Variants in GRID2 observed in about 807,000 individuals in gnomAD.
GRID2 encodes the protein glutamate ionotropic receptor delta type subunit 2, also known as glutamate receptor ionotropic, delta-2.
A neutral mutation model predicts 114.8 loss-of-function variants in GRID2; 33 were observed. The ratio of observed to expected loss-of-function variants is 0.29; its 90% CI spans 0.22 to 0.38. The LOEUF (loss-of-function observed/expected upper bound fraction) is 0.38, where lower values mean the gene tolerates loss of function less well. Among genes scored for constraint, GRID2 ranks in the 10% least tolerant of loss-of-function variants. The pLI, the probability that GRID2 is intolerant of heterozygous loss-of-function variation, is 1.00. For synonymous variants in GRID2, 505 were observed against 449.9 expected (o/e 1.12, Z -1.55); for missense variants, 1,184 against 1,257.7 (o/e 0.94, Z 0.89).
intron 1 of GRID2, among the ~76,000 whole-genome samples, chr4:92,417,311 A>G (rs2110315788): frequency 6.6e-6 from 1 of 152,236 alleles, no homozygotes; most frequent in Middle Eastern, 3.4e-3. Flanking sequence ...ATAAAATGAG[A>G]GCAAAATACT....
chr4:92,658,814 TATATACAC>T (rs1560516325), intron 2 of GRID2, among the ~76,000 whole-genome samples: 10 of 67,620 alleles, frequency 1.5e-4, no homozygotes, highest in East Asian at 6.4e-4. Flanking sequence ...TATATATATA[TATATACAC>T]ACACACAATC....
intron 1 of GRID2, among the ~76,000 whole-genome samples, chr4:92,409,221 T>C (rs1184967318): frequency 6.6e-6 from 1 of 152,150 alleles, no homozygotes; most frequent in Non-Finnish European, 1.5e-5. Context: ...GTATTTTGGC[T>C]GTAATACCAA....
intron 14 of GRID2, among the ~76,000 whole-genome samples, chr4:93,731,774 G>C (rs544280950): frequency 6.6e-6 from 1 of 152,096 alleles, no homozygotes; most frequent in African/African-American, 2.4e-5. Flanking sequence ...TAAAAGACTA[G>C]ACACTTTCCA....
intron 4 of GRID2, among the ~76,000 whole-genome samples, chr4:93,171,752 AAAAG>A (rs1579186367): frequency 1.3e-5 from 2 of 152,256 alleles, no homozygotes; most frequent in East Asian, 3.8e-4. Context: ...TTTCCAAAAT[AAAAG>A]AAATAATGCT....
intron 13 of GRID2, among the ~76,000 whole-genome samples, chr4:93,592,554 C>A (rs982608980): frequency 6.6e-6 from 1 of 152,008 alleles, no homozygotes; most frequent in African/African-American, 2.4e-5. Context: ...GTGGAGAGTT[C>A]TGTAGATGTC....
At chr4:93,562,242 C>T (rs185633502) in intron 13 of GRID2, among the ~76,000 whole-genome samples, 164 of 151,628 alleles carry the variant, frequency 1.1e-3, no homozygotes, top group South Asian at 3.3e-3. Flanking sequence ...AGTGATAGCT[C>T]ATTATTGTTT....
intron 1 of GRID2, among the ~76,000 whole-genome samples, chr4:92,417,575 A>G (rs770435364): frequency 2.0e-5 from 3 of 152,186 alleles, no homozygotes; most frequent in Admixed American, 6.6e-5. Context: ...ACATTTTTAA[A>G]AAGTACCAGG....
intron 4 of GRID2, among the ~76,000 whole-genome samples, chr4:93,178,599 G>A (rs1418756409): frequency 2.0e-5 from 3 of 151,310 alleles, no homozygotes; most frequent in Non-Finnish European, 4.4e-5. Flanking sequence ...TGTTGCCCAG[G>A]CTGGTCTTAA....
chr4:92,760,093 A>G (rs1018801360), intron 2 of GRID2, among the ~76,000 whole-genome samples: 1 of 151,602 alleles, frequency 6.6e-6, no homozygotes, highest in Non-Finnish European at 1.5e-5. Flanking sequence ...CACAAAAATT[A>G]GCCAGGTGTG....
intron 2 of GRID2, among the ~76,000 whole-genome samples, chr4:92,948,244 G>A (rs765225902): frequency 2.6e-5 from 4 of 151,398 alleles, no homozygotes; most frequent in South Asian, 2.1e-4. Flanking sequence ...AGTTTTAATC[G>A]GCATTTTTGT....
Position 93,135,421 on chromosome 4 carries a change from T to G in GRID2, c.735+24468T>G, listed in dbSNP as rs192656482. Among the ~76,000 whole-genome samples the G allele has an allele frequency of 4.2e-3, 634 of 152,312 alleles. 2 individuals carry two copies. The highest frequency in any genetic ancestry group is 0.014 in the Middle Eastern group (4 of 294). On this transcript the variant is annotated intron_variant, in intron 4 of 15. Transcript: ENST00000282020. ...TTGGTGGCCAAGATTAAGAAATGAT[T>G]GAGAAAGCTTCCGTGTGTGCCATTT...
intron 14 of GRID2, among the ~76,000 whole-genome samples, chr4:93,718,021 C>T (rs1448816092): frequency 2.0e-5 from 3 of 152,116 alleles, no homozygotes; most frequent in East Asian, 1.9e-4. Context: ...TTTGGGAGGC[C>T]GAGGCAGGCG....
downstream of GRID2, chr4:93,810,165 T>C (rs940883870): frequency 2.6e-5 from 4 of 152,172 alleles, no homozygotes; most frequent in Non-Finnish European, 5.9e-5. Flanking sequence ...ACAGTAGCCT[T>C]TCTTGTAAGT....
At chr4:92,384,990 C>T (rs1729872271) in intron 1 of GRID2, among the ~76,000 whole-genome samples, 1 of 151,056 alleles carries the variant, frequency 6.6e-6, no homozygotes, top group Admixed American at 6.7e-5. Context: ...ACTGATGGTT[C>T]CCTATGTACT....
exon 2 of GRID2, chr4:93,809,240 A>T (rs1440781750): frequency 6.6e-6 from 1 of 152,106 alleles, no homozygotes; most frequent in Non-Finnish European, 1.5e-5. Flanking sequence ...ATTATTTCAT[A>T]TGGATTCTGA....
chr4:93,703,202 C>A (rs923367413), intron 14 of GRID2, among the ~76,000 whole-genome samples: 10 of 152,004 alleles, frequency 6.6e-5, no homozygotes, highest in African/African-American at 2.2e-4. Context: ...AATATTTTAA[C>A]TCATTTTTCT....
At chr4:93,631,155 G>GT (rs961487383) in intron 14 of GRID2, among the ~76,000 whole-genome samples, 3 of 151,696 alleles carry the variant, frequency 2.0e-5, no homozygotes, top group African/African-American at 7.3e-5. Context: ...GCTATACTGC[G>GT]TTTCACAAAA....
chr4:93,458,660 G>A (rs1475581892), intron 11 of GRID2, among the ~76,000 whole-genome samples: 2 of 152,154 alleles, frequency 1.3e-5, no homozygotes, highest in East Asian at 1.9e-4. Context: ...GGTTAAAATT[G>A]TGAAGTTCTT....
At chr4:92,428,657 CATTTT>C (rs1288134618) in intron 1 of GRID2, among the ~76,000 whole-genome samples, 1 of 152,076 alleles carries the variant, frequency 6.6e-6, no homozygotes, top group Non-Finnish European at 1.5e-5. Context: ...AACTAACTTA[CATTTT>C]ATTTACCATA....
Sources: gnomAD v4.1 joint callset for allele counts (sites outside exome capture counted in the v4.1 genomes callset) on GRCh38, gnomAD v4.1.1 for gene constraint, MANE v1.5 for transcripts, NCBI Gene and HGNC (gene_info 2026-07-23, HGNC 2026-07-21) for gene names.